The following PRKN variants were observed in gnomAD, a reference collection of about 807,000 sequenced individuals.
PRKN encodes parkin RBR E3 ubiquitin protein ligase, also known as E3 ubiquitin-protein ligase parkin.
PRKN carries 56 observed loss-of-function variants against 59.5 expected under a neutral mutation model. The observed-to-expected ratio is 0.94, with a 90% CI of 0.76 to 1.18. PRKN has a LOEUF of 1.18. Among genes scored for constraint, PRKN ranks in the 50% most tolerant of loss-of-function variants. The pLI is 0.00. For synonymous variants in PRKN, 250 were observed against 222.1 expected, an observed-to-expected ratio of 1.13 and a Z score of -1.12; for missense variants, 657 against 596.4, an observed-to-expected ratio of 1.10 and a Z score of -1.06.
At chr6:162,366,891 C>A (rs1408110272) in intron 2 of PRKN, among the ~76,000 whole-genome samples, 1 of 152,118 alleles carries the variant, frequency 6.6e-6, no homozygotes, top group Non-Finnish European at 1.5e-5. Flanking sequence ...AAGAGTGAAA[C>A]TCCATCTCAA....
chr6:162,371,012 G>A (rs78054509), intron 2 of PRKN, among the ~76,000 whole-genome samples: 93 of 152,182 alleles, frequency 6.1e-4, no homozygotes, highest in Non-Finnish European at 1.1e-3. Flanking sequence ...TAGCCCAATG[G>A]CCATCACTGG....
chr6:161,680,750 T>A (rs1419295717), intron 7 of PRKN, among the ~76,000 whole-genome samples: 1 of 19,970 alleles, frequency 5.0e-5, no homozygotes, highest in African/African-American at 1.8e-4. Context: ...TATATATATA[T>A]ATATATATAT....
chr6:161,561,668 TCTTGCCTTCCAAAGTA>T lies in PRKN; in HGVS notation c.933+7671_933+7686del, dbSNP rs1164813194. Among the ~76,000 whole-genome samples, 3 of 152,134 alleles carry T rather than the reference TCTTGCCTTCCAAAGTA, an allele frequency of 2.0e-5. No homozygotes were observed. The highest frequency in any genetic ancestry group is 1.3e-4 in the Admixed American group (2 of 15,270). On this transcript the variant is annotated intron_variant, in intron 8 of 11. Coordinates refer to ENST00000366898, the MANE Select transcript of PRKN (RefSeq NM_004562.3). This position sits in a 1 kb window ranked among gnomAD's most constrained non-coding sequence, Gnocchi z 5.0. Reference sequence around the variant, plus strand: ...TCCCTCTCTGCTGGATCTGAGCCCTTCTTGCCTTCCAAAGTACTTCCCTTCTTCAGTTCTTGGATCT... The same window carrying T: ...TCCCTCTCTGCTGGATCTGAGCCCTTCTTCCCTTCTTCAGTTCTTGGATCT...
At chr6:162,291,530 G>C (rs1439164594) in intron 2 of PRKN, among the ~76,000 whole-genome samples, 1 of 152,098 alleles carries the variant, frequency 6.6e-6, no homozygotes, top group Non-Finnish European at 1.5e-5. Flanking sequence ...ACGGGAGGGT[G>C]TCAGGGATCA....
At chr6:161,993,757 A>G (rs9365356) in intron 5 of PRKN, among the ~76,000 whole-genome samples, 84,542 of 152,048 alleles carry the variant, frequency 0.56, 23,647 homozygotes, top group Admixed American at 0.63. Context: ...CGGTTCTGCA[A>G]GCTGTAAAAG....
Position 162,287,394 on chromosome 6 carries a change from C to T in PRKN, c.172-24629G>A, listed in dbSNP as rs114288977. 6.6e-3 allele frequency among the ~76,000 whole-genome samples: 1,003 copies of T among 152,180 alleles called. 9 individuals carry two copies. The highest frequency in any genetic ancestry group is 0.023 in the African/African-American group (943 of 41,516). ...TCAGCCTGGACAACATGGCAAAACT[C>T]TGTCTCTACAAAAAAATATAAAAAT... is the stretch of plus-strand genomic sequence containing the variant. On this transcript the variant is annotated intron_variant, in intron 2 of 11. Transcript: ENST00000366898.
chr6:162,607,697 C>T (rs2803055), intron 1 of PRKN, among the ~76,000 whole-genome samples: 88,091 of 151,920 alleles, frequency 0.58, 26,458 homozygotes, highest in Non-Finnish European at 0.67. Context: ...AAGCAAAGCA[C>T]CAGTGGGAGA....
In PRKN at chr6:161,592,119, A is replaced by G. The variant is rs895974413; in HGVS notation, c.872-22703T>C. 2.6e-5 allele frequency among the ~76,000 whole-genome samples: 4 copies of G among 152,094 alleles called. No homozygotes were observed. Among genetic ancestry groups the G allele is most frequent in the African/African-American group, 9.7e-5 (4 of 41,410 alleles). ...GCTATGTAAATAGTTGTTATATTGC[A>G]ATTTTATTTGTATTATTTTTATCGT... On this transcript the variant is annotated intron_variant, in intron 7 of 11. Transcript: ENST00000366898. The surrounding 1 kb of genome is among the most constrained non-coding windows in gnomAD (Gnocchi z 4.8).
At chr6:162,398,308 TATA>T (rs1483921967) in intron 2 of PRKN, among the ~76,000 whole-genome samples, 1 of 152,144 alleles carries the variant, frequency 6.6e-6, no homozygotes, top group Admixed American at 6.5e-5. Flanking sequence ...CATAGGTAGT[TATA>T]ATGTTTTTCT....
intron 7 of PRKN, among the ~76,000 whole-genome samples, chr6:161,719,919 A>G (rs1787148953): frequency 6.6e-6 from 1 of 152,240 alleles, no homozygotes; most frequent in South Asian, 2.1e-4. Flanking sequence ...GGCATAGGCC[A>G]CTGCACCCAG....
chr6:162,298,033 T>A (rs1051191973), intron 2 of PRKN, among the ~76,000 whole-genome samples: 3 of 152,168 alleles, frequency 2.0e-5, no homozygotes, highest in Non-Finnish European at 4.4e-5. Flanking sequence ...CCATCCATCT[T>A]CCATCTTTCC....
chr6:161,972,601 C>T lies in PRKN; in HGVS notation c.734+701G>A, dbSNP rs531916612. Among the ~76,000 whole-genome samples the T allele has an allele frequency of 4.7e-4, 71 of 152,304 alleles. 1 individual carries two copies. The highest frequency in any genetic ancestry group is 1.7e-3 in the African/African-American group (69 of 41,564). On this transcript the variant is annotated intron_variant, in intron 6 of 11. Coordinates refer to ENST00000366898, the MANE Select transcript of PRKN (RefSeq NM_004562.3). Reference sequence around the variant, plus strand: ...AAATAACAAGGTCCCAAACTAGCTACTTGCTTTCATTTTGAGTGCATGAAT... The same window carrying T: ...AAATAACAAGGTCCCAAACTAGCTATTTGCTTTCATTTTGAGTGCATGAAT...
rs573857313 is a variant in PRKN at position 162,576,810 on chromosome 6, CAA to C, written c.8-133339_8-133338del. Among the ~76,000 whole-genome samples, 489 of 92,382 alleles carry C rather than the reference CAA, an allele frequency of 5.3e-3. 2 individuals are homozygous for C. Among genetic ancestry groups the C allele is most frequent in the African/African-American group, 0.016 (371 of 23,640 alleles). 60.6% of individuals were successfully genotyped at this position (92,382 alleles called of 152,430 possible). A position where few individuals can be genotyped will look rare whatever the true frequency, so the allele number is the denominator to read the frequency against. ...CATGGGTGACAGAGTGAGACTCCGT[CAA>C]AAAAAAAAAAAAAAAAAAAAGGGAC... On this transcript the variant is annotated intron_variant, in intron 1 of 11. Coordinates refer to ENST00000366898, the MANE Select transcript of PRKN (RefSeq NM_004562.3).
At chr6:162,238,694 T>C (rs533475362) in intron 3 of PRKN, among the ~76,000 whole-genome samples, 3 of 152,302 alleles carry the variant, frequency 2.0e-5, no homozygotes, top group African/African-American at 4.8e-5. Flanking sequence ...GCTGCATTGG[T>C]TGTGACCTAG....
intron 6 of PRKN, among the ~76,000 whole-genome samples, chr6:161,876,484 T>A (rs1044379983): frequency 1.3e-5 from 2 of 152,118 alleles, no homozygotes; most frequent in African/African-American, 4.8e-5. Context: ...GCTAATTTTT[T>A]AAATGTTTTG....
At chr6:162,449,563 TTA>T (rs1164373833) in intron 1 of PRKN, among the ~76,000 whole-genome samples, 3 of 152,020 alleles carry the variant, frequency 2.0e-5, no homozygotes, top group Non-Finnish European at 4.4e-5. Flanking sequence ...ATTGCTATTT[TTA>T]TGTTTTATAT....
chr6:161,974,708 T>C (rs1780958069), intron 5 of PRKN, among the ~76,000 whole-genome samples: 1 of 152,184 alleles, frequency 6.6e-6, no homozygotes, highest in African/African-American at 2.4e-5. Context: ...GATGACAGAA[T>C]AACCCCTGCA....
chr6:161,821,717 TTC>T, intron 6 of PRKN, among the ~76,000 whole-genome samples: 2 of 120,040 alleles, frequency 1.7e-5, no homozygotes, highest in African/African-American at 6.4e-5. Flanking sequence ...TCCACTGGTG[TTC>T]TTTTTTTTTT....
intron 7 of PRKN, among the ~76,000 whole-genome samples, chr6:161,731,342 G>T (rs1349376258): frequency 6.6e-6 from 1 of 152,192 alleles, no homozygotes; most frequent in African/African-American, 2.4e-5. Flanking sequence ...CCCATCTCAT[G>T]GTTGATATCT....
Sources: gnomAD v4.1 joint callset for allele counts (sites outside exome capture counted in the v4.1 genomes callset) on GRCh38, gnomAD v4.1.1 for gene constraint, Gnocchi (gnomAD v3.1) non-coding constraint, MANE v1.5 for transcripts, NCBI Gene and HGNC (gene_info 2026-07-23, HGNC 2026-07-21) for gene names.